Variants in CDH18 observed in about 807,000 individuals in gnomAD.
The protein encoded by CDH18 is cadherin-18.
Under a neutral mutation model 67.9 loss-of-function variants are expected in CDH18, and 31 were observed. That is an observed-to-expected ratio of 0.46 (90% CI 0.34 to 0.62). CDH18 has a LOEUF of 0.62. CDH18 is among the 20% of genes least tolerant of loss of function. The pLI, the probability that CDH18 is intolerant of heterozygous loss-of-function variation, is 0.01. For synonymous variants in CDH18, 362 were observed against 347.2 expected (o/e 1.04, Z -0.48); for missense variants, 890 against 975.5 (o/e 0.91, Z 1.17).
At position 19,520,790 on chromosome 5, in the gene CDH18, A is replaced by G. The variant is rs41270327; in HGVS notation, c.1391-12T>C. The G allele has an allele frequency of 6.7e-3, 10,818 of 1,612,548 alleles. 66 individuals carry two copies. Among genetic ancestry groups the G allele is most frequent in the Non-Finnish European group, 7.8e-3 (9,212 of 1,179,164 alleles). ...CAAATCAGGATTATCTGCAAAATAC[A>G]CAGGAATGTATTTAGTATTTCCATG... is the stretch of plus-strand genomic sequence containing the variant. On this transcript the variant is annotated splice_polypyrimidine_tract_variant and intron_variant, in intron 9 of 12. Coordinates refer to ENST00000382275, the MANE Select transcript of CDH18 (RefSeq NM_004934.5).
At chr5:20,035,658 C>T (rs1212343975) in intron 2 of CDH18, among the ~76,000 whole-genome samples, 2 of 152,042 alleles carry the variant, frequency 1.3e-5, no homozygotes, top group African/African-American at 4.8e-5. Flanking sequence ...TCACCTCCCA[C>T]TGGGTCCATC....
intron 2 of CDH18, among the ~76,000 whole-genome samples, chr5:20,083,509 T>C (rs1046249949): frequency 6.6e-6 from 1 of 152,218 alleles, no homozygotes; most frequent in Non-Finnish European, 1.5e-5. Context: ...ACTTAATGAA[T>C]GAATACTGTG....
chr5:20,467,389 G>T (rs1751711312), intron 1 of CDH18, among the ~76,000 whole-genome samples: 1 of 152,010 alleles, frequency 6.6e-6, no homozygotes, highest in Non-Finnish European at 1.5e-5. Flanking sequence ...ATTTTAGAAG[G>T]TTCAATAAGC....
rs990854944 is a variant in CDH18, at chr5:20,063,051, T to C, written c.-517-71037A>G. Among the ~76,000 whole-genome samples the C allele has an allele frequency of 2.0e-5, 3 of 149,370 alleles. No homozygotes were observed. In the East Asian group the frequency reaches 5.9e-4, roughly 29 times the overall value. On this transcript the variant is annotated intron_variant, in intron 2 of 14. Transcript: ENST00000507958. ...TCACCCAGGCTGGGGTACACCAATA[T>C]GCTTCTTATAGAAATAAAAATAATT...
chr5:20,237,432 T>C (rs898711904), intron 2 of CDH18, among the ~76,000 whole-genome samples: 1 of 151,872 alleles, frequency 6.6e-6, no homozygotes, highest in Non-Finnish European at 1.5e-5. Flanking sequence ...GAAAAATTGA[T>C]TGAAACTATA....
chr5:19,841,616 C>A (rs1322927299), intron 2 of CDH18, among the ~76,000 whole-genome samples: 1 of 149,524 alleles, frequency 6.7e-6, no homozygotes, highest in Non-Finnish European at 1.5e-5. Context: ...TTCTTAGAAG[C>A]CAAGTTGTTG....
intron 1 of CDH18, among the ~76,000 whole-genome samples, chr5:20,419,462 GTTTTTTTTTTTTTTTT>G (rs202130030): frequency 1.1e-4 from 8 of 75,658 alleles, no homozygotes; most frequent in Admixed American, 1.3e-4. Context: ...ATGGGACTCT[GTTTTTTTTTTTTTTTT>G]TTTTTTTTTT....
chr5:20,034,333 T>C (rs1691534459), intron 2 of CDH18, among the ~76,000 whole-genome samples: 1 of 152,044 alleles, frequency 6.6e-6, no homozygotes, highest in Non-Finnish European at 1.5e-5. Flanking sequence ...AAAATTACCA[T>C]ATAGCCTGGC....
At chr5:20,328,881 T>A (rs1580764391) in intron 1 of CDH18, among the ~76,000 whole-genome samples, 1 of 152,166 alleles carries the variant, frequency 6.6e-6, no homozygotes, top group East Asian at 1.9e-4. Flanking sequence ...ATTGGGAAGA[T>A]GAGGGGGTAG....
chr5:20,180,790 C>T (rs561160542), intron 2 of CDH18, among the ~76,000 whole-genome samples: 8 of 151,810 alleles, frequency 5.3e-5, no homozygotes, highest in African/African-American at 1.7e-4. Context: ...CTCAACCTGC[C>T]GATCCACCTA....
chr5:19,715,410 T>C (rs1299675255), intron 5 of CDH18, among the ~76,000 whole-genome samples: 1 of 152,162 alleles, frequency 6.6e-6, no homozygotes, highest in Non-Finnish European at 1.5e-5. Context: ...ATCACAGTTA[T>C]TGTCCGTCAA....
intron 5 of CDH18, among the ~76,000 whole-genome samples, chr5:19,638,231 C>A (rs1379840101): frequency 6.6e-6 from 1 of 152,158 alleles, no homozygotes; most frequent in African/African-American, 2.4e-5. Context: ...ACCATATTTT[C>A]TCTAAAATTT....
At chr5:19,746,858 A>G (rs574066959) in intron 4 of CDH18, 84 bp downstream of exon 4, 16 of 1,038,980 alleles carry the variant, frequency 1.5e-5, no homozygotes, top group Non-Finnish European at 2.0e-5. Flanking sequence ...ATATATATAT[A>G]TAAGTAAAAA....
At chr5:19,614,463 A>G (rs1004295789) in intron 5 of CDH18, among the ~76,000 whole-genome samples, 1 of 152,018 alleles carries the variant, frequency 6.6e-6, no homozygotes, top group Non-Finnish European at 1.5e-5. Context: ...ACAATGTTTT[A>G]TCTTACGATA....
intron 1 of CDH18, among the ~76,000 whole-genome samples, chr5:20,280,916 G>T (rs1490120170): frequency 1.3e-5 from 2 of 152,134 alleles, no homozygotes; most frequent in Admixed American, 1.3e-4. Context: ...GGTGTGAGAT[G>T]GTATCTCATT....
rs10545142 is a variant in CDH18, at chr5:19,799,435, AACACACAC to A, written c.228+39316_228+39323del. On this transcript the variant is annotated intron_variant, in intron 3 of 12. Coordinates refer to ENST00000382275, the MANE Select transcript of CDH18 (RefSeq NM_004934.5). ...GAATGTTCCCATGTTAAATATTCTCAACACACACACACACACACACACACACACACACA... is the reference window on the plus strand; with the variant it reads ...GAATGTTCCCATGTTAAATATTCTCAACACACACACACACACACACACACA... Among the ~76,000 whole-genome samples the A allele has an allele frequency of 1.3e-3, 194 of 143,788 alleles. 1 individual carries two copies. Among genetic ancestry groups the A allele is most frequent in the Middle Eastern group, 3.6e-3 (1 of 274 alleles). The allele number at this position is 143,788 out of a possible 152,430, so 94.3% of individuals were successfully genotyped here.
At chr5:19,719,405 A>T (rs1765726044) in intron 5 of CDH18, among the ~76,000 whole-genome samples, 2 of 151,946 alleles carry the variant, frequency 1.3e-5, no homozygotes, top group African/African-American at 4.8e-5. Context: ...CTCTAGGGAG[A>T]TGTGTATTTT....
chr5:20,165,171 CAT>C (rs765108668), intron 2 of CDH18, among the ~76,000 whole-genome samples: 1 of 151,988 alleles, frequency 6.6e-6, no homozygotes, highest in African/African-American at 2.4e-5. Flanking sequence ...AAAGAAAAAA[CAT>C]ATTATTTGTT....
At chr5:19,891,436 T>C (rs1426582694) in intron 2 of CDH18, among the ~76,000 whole-genome samples, 1 of 152,128 alleles carries the variant, frequency 6.6e-6, no homozygotes, top group Non-Finnish European at 1.5e-5. Flanking sequence ...TCAACTTGAA[T>C]TAGTGTTGCT....
Sources: gnomAD v4.1 joint callset for allele counts (sites outside exome capture counted in the v4.1 genomes callset) on GRCh38, gnomAD v4.1.1 for gene constraint, MANE v1.5 for transcripts, NCBI Gene and HGNC (gene_info 2026-07-23, HGNC 2026-07-21) for gene names.